Variants in IGF2BP2 observed in about 807,000 individuals in gnomAD.
IGF2BP2 encodes insulin like growth factor 2 mRNA binding protein 2.
A neutral mutation model predicts 75.8 loss-of-function variants in IGF2BP2; 17 were observed. That is an observed-to-expected ratio of 0.22 (90% confidence interval 0.15 to 0.34). IGF2BP2 has a LOEUF of 0.34. Ranked by LOEUF, IGF2BP2 falls within the 10% of genes least tolerant of loss-of-function variation. The probability of loss-of-function intolerance (pLI) is 1.00; values close to 1 mark genes in which losing one functional copy is unlikely to be tolerated. For missense variants in IGF2BP2, 516 were observed against 772.4 expected (o/e 0.67, Z 3.93); for synonymous variants, 288 against 295.6 (o/e 0.97, Z 0.26).
chr3:185,674,647 A>AAAGCATGCAAC (rs1248648068), intron 9 of IGF2BP2, among the ~76,000 whole-genome samples: 1 of 152,228 alleles, frequency 6.6e-6, no homozygotes, highest in Non-Finnish European at 1.5e-5. Context: ...AGTTAACTTT[A>AAAGCATGCAAC]AAGCATGCAT....
chr3:185,725,868 G>C (rs191921650), intron 2 of IGF2BP2, among the ~76,000 whole-genome samples: 19 of 152,312 alleles, frequency 1.2e-4, no homozygotes, highest in Non-Finnish European at 2.5e-4. Flanking sequence ...TTACTTGGGA[G>C]GCTGAGGATC....
At chr3:185,822,500 A>G (rs1226937473) in intron 2 of IGF2BP2, among the ~76,000 whole-genome samples, 4 of 152,234 alleles carry the variant, frequency 2.6e-5, no homozygotes, top group Non-Finnish European at 1.5e-5. Context: ...ACAACAGTGC[A>G]CTTAAATATA....
At chr3:185,764,403 T>C (rs1732780240) in intron 2 of IGF2BP2, among the ~76,000 whole-genome samples, 2 of 152,174 alleles carry the variant, frequency 1.3e-5, no homozygotes, top group South Asian at 4.1e-4. Flanking sequence ...CTTCTGCTTA[T>C]GTTTTTGCTG....
chr3:185,757,804 C>T (rs1578208120), intron 2 of IGF2BP2, among the ~76,000 whole-genome samples: 1 of 152,162 alleles, frequency 6.6e-6, no homozygotes, highest in Non-Finnish European at 1.5e-5. Flanking sequence ...AGCTCCACTC[C>T]TAGTATAGTG....
intron 2 of IGF2BP2, among the ~76,000 whole-genome samples, chr3:185,816,452 C>T (rs1432032349): frequency 6.6e-6 from 1 of 152,178 alleles, no homozygotes; most frequent in Non-Finnish European, 1.5e-5. Flanking sequence ...TGCAAAGGTT[C>T]AATTCACAAA....
intron 2 of IGF2BP2, among the ~76,000 whole-genome samples, chr3:185,801,813 T>C (rs1433548209): frequency 6.6e-6 from 1 of 152,052 alleles, no homozygotes; most frequent in Non-Finnish European, 1.5e-5. Context: ...GTGGCACACA[T>C]ACAGCATGGA....
intron 10 of IGF2BP2, among the ~76,000 whole-genome samples, chr3:185,665,191 GAGA>G (rs1430229773): frequency 1.4e-5 from 2 of 145,654 alleles, no homozygotes; most frequent in South Asian, 4.4e-4. Flanking sequence ...AAAAAAAGAG[GAGA>G]AGAAGGAGAA....
chr3:185,726,488 CACAGGA>C lies in IGF2BP2; in HGVS notation c.240-28147_240-28142del, dbSNP rs1411059008. On this transcript the variant is annotated intron_variant, in intron 2 of 15. Coordinates refer to ENST00000382199, the MANE Select transcript of IGF2BP2 (RefSeq NM_006548.6). ...CACATTCCTAAAGGTATAAAGTGGG[CACAGGA>C]ACACCTGCCACTTATCTACCTCACA... Among the ~76,000 whole-genome samples the C allele has an allele frequency of 2.6e-5, 4 of 152,294 alleles. No individual in the cohort carries two copies. The East Asian group carries it at 7.7e-4, about 29-fold the overall frequency.
At chr3:185,734,611 C>T (rs904458975) in intron 2 of IGF2BP2, among the ~76,000 whole-genome samples, 1 of 152,082 alleles carries the variant, frequency 6.6e-6, no homozygotes, top group Non-Finnish European at 1.5e-5. Context: ...TATAGGTTTC[C>T]AATGAAGTGA....
intron 7 of IGF2BP2, among the ~76,000 whole-genome samples, chr3:185,677,888 T>C (rs952279708): frequency 5.3e-5 from 8 of 152,144 alleles, no homozygotes; most frequent in African/African-American, 9.7e-5. Context: ...AATTTGAATG[T>C]AGATCATTTG....
At chr3:185,730,072 C>T (rs1381111774) in intron 2 of IGF2BP2, among the ~76,000 whole-genome samples, 2 of 151,992 alleles carry the variant, frequency 1.3e-5, no homozygotes, top group Non-Finnish European at 2.9e-5. Flanking sequence ...GAACCCATCA[C>T]TCAAATAGTG....
chr3:185,764,510 G>C (rs1167338011), intron 2 of IGF2BP2, among the ~76,000 whole-genome samples: 1 of 152,162 alleles, frequency 6.6e-6, no homozygotes, highest in East Asian at 1.9e-4. Context: ...CAGTGAAACA[G>C]ACAAGAAGCC....
At chr3:185,722,487 T>C (rs1358638934) in intron 2 of IGF2BP2, 3 of 293,138 alleles carry the variant, frequency 1.0e-5, no homozygotes, top group East Asian at 1.4e-4. Context: ...AAGTTTTCAA[T>C]TTTATGTCAT....
chr3:185,759,779 T>C (rs775589010), intron 2 of IGF2BP2, among the ~76,000 whole-genome samples: 17 of 152,394 alleles, frequency 1.1e-4, no homozygotes, highest in Non-Finnish European at 1.9e-4. Context: ...TAATTTCTCA[T>C]GAGCAAGGAC....
intron 2 of IGF2BP2, chr3:185,716,761 G>A (rs1352244542): frequency 1.9e-6 from 1 of 519,680 alleles, no homozygotes; most frequent in Non-Finnish European, 3.8e-6. Context: ...GGAAGTGGGA[G>A]GACATCCTTC....
chr3:185,737,570 CA>C (rs954838000), intron 2 of IGF2BP2, among the ~76,000 whole-genome samples: 8 of 151,944 alleles, frequency 5.3e-5, no homozygotes, highest in Non-Finnish European at 7.4e-5. Context: ...AAAACATAAA[CA>C]AAAAAATTGG....
intron 2 of IGF2BP2, chr3:185,722,280 AAG>A (rs1560359036): frequency 2.2e-6 from 1 of 456,326 alleles, no homozygotes; most frequent in Non-Finnish European, 4.4e-6. Context: ...GAGGCACAAA[AAG>A]AGGAAATCAC....
intron 2 of IGF2BP2, among the ~76,000 whole-genome samples, chr3:185,713,903 G>A (rs1460939082): frequency 1.3e-5 from 2 of 152,146 alleles, no homozygotes; most frequent in Non-Finnish European, 2.9e-5. Context: ...GTTTCACCAT[G>A]TTGGCCAGGC....
At chr3:185,736,239 G>T (rs79844705) in intron 2 of IGF2BP2, among the ~76,000 whole-genome samples, 1 of 152,118 alleles carries the variant, frequency 6.6e-6, no homozygotes, top group African/African-American at 2.4e-5. Flanking sequence ...AGGTGGGGGG[G>T]CCACTCTTTC....
Sources: gnomAD v4.1 joint callset for allele counts (sites outside exome capture counted in the v4.1 genomes callset) on GRCh38, gnomAD v4.1.1 for gene constraint, MANE v1.5 for transcripts, NCBI Gene and HGNC (gene_info 2026-07-23, HGNC 2026-07-21) for gene names.